The following VWA8 variants were observed in gnomAD, a reference collection of about 807,000 sequenced individuals.
VWA8 encodes von Willebrand factor A domain-containing protein 8.
A neutral mutation model predicts 241.5 loss-of-function variants in VWA8; 221 were observed. The observed-to-expected ratio is 0.91, with a 90% CI of 0.82 to 1.02. The LOEUF is 1.02. Ranked by LOEUF, VWA8 falls within the 50% of genes least tolerant of loss-of-function variation. VWA8 has a pLI of 0.00. For missense variants in VWA8, 2,322 were observed against 2,328.7 expected (o/e 1.00, Z 0.06); for synonymous variants, 852 against 827.1 (o/e 1.03, Z -0.52).
intron 37 of VWA8, among the ~76,000 whole-genome samples, chr13:41,661,866 T>C (rs1437236687): frequency 6.6e-6 from 1 of 152,220 alleles, no homozygotes; most frequent in East Asian, 1.9e-4. Context: ...TTGTTTTGCA[T>C]ATGGATGTCC....
chr13:41,650,687 G>A (rs1038576493), intron 37 of VWA8, among the ~76,000 whole-genome samples: 2 of 152,192 alleles, frequency 1.3e-5, no homozygotes, highest in Admixed American at 1.3e-4. Context: ...GGTGCTGGGG[G>A]TGCCAGCCTA....
intron 37 of VWA8, among the ~76,000 whole-genome samples, chr13:41,661,094 G>A (rs1184452608): frequency 6.6e-6 from 1 of 152,088 alleles, no homozygotes; most frequent in East Asian, 1.9e-4. Flanking sequence ...TCAATCTCTT[G>A]ATCTTGTGAT....
In VWA8 at chr13:41,567,964, G is replaced by C; in HGVS notation, c.*233C>G. 3 of 426,442 alleles carry C rather than the reference G, an allele frequency of 7.0e-6. No homozygotes were observed. The highest frequency in any genetic ancestry group is 1.2e-5 in the Non-Finnish European group (3 of 241,386). The allele number at this position is 426,442 out of a possible 1,614,324, so 26.4% of individuals were successfully genotyped here. A position where few individuals can be genotyped will look rare whatever the true frequency, so the allele number is the denominator to read the frequency against. ...CCTTTGATAAAGTGCAGGTCAACTAGCTTGCCCTAATCACTTCTAAACTCA... is the reference window on the plus strand; with the variant it reads ...CCTTTGATAAAGTGCAGGTCAACTACCTTGCCCTAATCACTTCTAAACTCA... On this transcript the variant is annotated 3_prime_UTR_variant, in exon 45 of 45. Coordinates refer to ENST00000379310, the MANE Select transcript of VWA8 (RefSeq NM_015058.2).
chr13:41,759,485 A>G (rs553929323), intron 21 of VWA8, among the ~76,000 whole-genome samples: 37 of 151,514 alleles, frequency 2.4e-4, no homozygotes, highest in African/African-American at 8.7e-4. Flanking sequence ...GAATTTTCCT[A>G]CCATTATCTC....
At chr13:41,592,340 A>C (rs1229209252) in intron 40 of VWA8, among the ~76,000 whole-genome samples, 1 of 140,218 alleles carries the variant, frequency 7.1e-6, no homozygotes, top group South Asian at 2.6e-4. Context: ...GGGGGAGGGG[A>C]TAGCTTTGGG....
rs762404283 is a variant in VWA8 at position 41,868,638 on chromosome 13, A to C, written c.1081-161T>G. On this transcript the variant is annotated intron_variant, in intron 9 of 44. Coordinates refer to ENST00000379310, the MANE Select transcript of VWA8 (RefSeq NM_015058.2). Reference sequence around the variant, plus strand: ...GGTGGCTCAGGCCTGTTAATCCCAGAACTTTGGGAGGCCAAGGCGGGCGGA... The same window carrying C: ...GGTGGCTCAGGCCTGTTAATCCCAGCACTTTGGGAGGCCAAGGCGGGCGGA... Among the ~76,000 whole-genome samples, 172 of 152,204 alleles carry C rather than the reference A, an allele frequency of 1.1e-3. 1 individual carries two copies. Among genetic ancestry groups the C allele is most frequent in the Non-Finnish European group, 1.6e-3 (110 of 68,006 alleles).
intron 18 of VWA8, among the ~76,000 whole-genome samples, chr13:41,784,422 G>C (rs1489524057): frequency 6.6e-6 from 1 of 151,890 alleles, no homozygotes; most frequent in Non-Finnish European, 1.5e-5. Context: ...CAGCATTTCA[G>C]GAGGCCAAGG....
At chr13:41,657,691 T>G (rs2044918131) in intron 37 of VWA8, among the ~76,000 whole-genome samples, 1 of 151,826 alleles carries the variant, frequency 6.6e-6, no homozygotes, top group African/African-American at 2.4e-5. Context: ...GGGTTTCACC[T>G]TGTTAGCCAG....
chr13:41,637,576 T>A (rs2044767444), intron 37 of VWA8, among the ~76,000 whole-genome samples: 1 of 149,808 alleles, frequency 6.7e-6, no homozygotes, highest in Non-Finnish European at 1.5e-5. Context: ...AAAAAAGAAA[T>A]AAAAAAAAAT....
intron 21 of VWA8, 117 bp downstream of exon 21, chr13:41,761,011 A>C: frequency 2.0e-6 from 2 of 1,011,218 alleles, no homozygotes; most frequent in Non-Finnish European, 3.0e-6. Context: ...AGCAAGAAGA[A>C]CAGAAATAAA....
chr13:41,840,045 C>T (rs1871924199), intron 12 of VWA8, among the ~76,000 whole-genome samples: 2 of 152,140 alleles, frequency 1.3e-5, no homozygotes, highest in Non-Finnish European at 2.9e-5. Context: ...CTCTGATTTC[C>T]TTGAGCAGTG....
At chr13:41,922,654 C>T (rs1303522645) in intron 2 of VWA8, among the ~76,000 whole-genome samples, 12 of 152,202 alleles carry the variant, frequency 7.9e-5, no homozygotes, top group Non-Finnish European at 1.8e-4. Flanking sequence ...CAAAAGAAGA[C>T]ATTTATGCAG....
At chr13:41,946,446 G>A (rs1877853937) in intron 2 of VWA8, among the ~76,000 whole-genome samples, 1 of 152,020 alleles carries the variant, frequency 6.6e-6, no homozygotes, top group South Asian at 2.1e-4. Context: ...ACTTCATAAA[G>A]CAATAATTAT....
intron 16 of VWA8, among the ~76,000 whole-genome samples, chr13:41,813,104 A>G (rs1002419799): frequency 6.6e-6 from 1 of 152,156 alleles, no homozygotes; most frequent in African/African-American, 2.4e-5. Flanking sequence ...AGACCTATGA[A>G]TGACACTCTG....
intron 20 of VWA8, among the ~76,000 whole-genome samples, chr13:41,777,110 C>A (rs1255466395): frequency 6.6e-6 from 1 of 152,084 alleles, no homozygotes; most frequent in African/African-American, 2.4e-5. Context: ...TACGTTCCTC[C>A]ATAAACATAC....
chr13:41,778,078 G>A, intron 19 of VWA8, 22 bp from the exon 20 acceptor site: 1 of 1,590,510 alleles, frequency 6.3e-7, no homozygotes, highest in Non-Finnish European at 8.6e-7. Context: ...GGAACTAGGG[G>A]TTAACTGTTT....
chr13:41,824,254 G>A (rs1031330471), intron 14 of VWA8, among the ~76,000 whole-genome samples: 2 of 152,168 alleles, frequency 1.3e-5, no homozygotes, highest in Non-Finnish European at 2.9e-5. Flanking sequence ...GGCTGGCAAG[G>A]CAGGCATGTG....
chr13:41,954,466 C>G (rs1878273267), intron 1 of VWA8, among the ~76,000 whole-genome samples: 1 of 152,164 alleles, frequency 6.6e-6, no homozygotes, highest in Admixed American at 6.5e-5. Flanking sequence ...TTCCACATCT[C>G]TCTCACACCA....
chr13:41,656,576 C>G lies in VWA8; in HGVS notation c.4611+14370G>C, dbSNP rs74593662. Reference sequence around the variant, plus strand: ...GGACTAGAGAGTATTTATTTCTGCTCTCTGTATAATTAGAAAACCAAGTAT... The same window carrying G: ...GGACTAGAGAGTATTTATTTCTGCTGTCTGTATAATTAGAAAACCAAGTAT... On this transcript the variant is annotated intron_variant, in intron 37 of 44. Coordinates refer to ENST00000379310, the MANE Select transcript of VWA8 (RefSeq NM_015058.2). 1.9e-3 allele frequency among the ~76,000 whole-genome samples: 282 copies of G among 152,246 alleles called. 12 individuals are homozygous for G. In the East Asian group the frequency reaches 0.049, roughly 27 times the overall value.
Sources: allele counts gnomAD v4.1 joint callset (sites outside exome capture counted in the v4.1 genomes callset), GRCh38; gene constraint gnomAD v4.1.1; transcripts MANE v1.5; gene names NCBI Gene and HGNC (gene_info 2026-07-23, HGNC 2026-07-21).